Variants in FLRT3 observed in about 807,000 individuals in gnomAD.
The protein encoded by FLRT3 is fibronectin leucine rich transmembrane protein 3.
FLRT3 carries 17 observed loss-of-function variants against 42.6 expected under a neutral mutation model. That is an observed-to-expected ratio of 0.40 (90% confidence interval 0.27 to 0.60). FLRT3 has a LOEUF of 0.60. FLRT3 is among the 20% of genes least tolerant of loss of function. The probability of loss-of-function intolerance (pLI) is 0.44; values close to 1 mark genes in which losing one functional copy is unlikely to be tolerated. For missense variants in FLRT3, 635 were observed against 789.2 expected, an observed-to-expected ratio of 0.80 and a Z score of 2.34; for synonymous variants, 279 against 286.4, an observed-to-expected ratio of 0.97 and a Z score of 0.26.
chr20:14,329,376 T>TA (rs2082793174), intron 1 of FLRT3, 49 bp from the exon 2 acceptor site: 1 of 152,114 alleles, frequency 6.6e-6, no homozygotes, highest in South Asian at 2.1e-4. Context: ...AACTTTAACA[T>TA]ACTAGAGAAA....
intron 1 of FLRT3, among the ~76,000 whole-genome samples, chr20:14,332,691 C>T (rs779787481): frequency 3.3e-5 from 5 of 152,032 alleles, no homozygotes; most frequent in Non-Finnish European, 7.4e-5. Flanking sequence ...AATCTAATGG[C>T]ATGTAGAACT....
chr20:14,325,482 A>G lies in FLRT3; in HGVS notation c.*75T>C. 6.9e-7 allele frequency: 1 copy of G among 1,445,460 alleles called. No individual in the cohort carries two copies. Among genetic ancestry groups the G allele is most frequent in the Non-Finnish European group, 9.3e-7 (1 of 1,069,770 alleles). 89.5% of individuals were successfully genotyped at this position (1,445,460 alleles called of 1,614,324 possible). A position where few individuals can be genotyped will look rare whatever the true frequency, so the allele number is the denominator to read the frequency against. ...GTCTCTTTTTCCAGTGTTTTGCAGT[A>G]GAACAGGGTTCCTACCATCACCTCC... is the stretch of plus-strand genomic sequence containing the variant. On this transcript the variant is annotated 3_prime_UTR_variant, in exon 3 of 3. Coordinates refer to ENST00000341420, the MANE Select transcript of FLRT3 (RefSeq NM_198391.3).
At chr20:14,333,254 G>A (rs370721815) in intron 1 of FLRT3, among the ~76,000 whole-genome samples, 7 of 152,124 alleles carry the variant, frequency 4.6e-5, no homozygotes, top group Admixed American at 1.3e-4. Flanking sequence ...CCAATGCTAA[G>A]TATTTTTACT....
At position 14,327,594 on chromosome 20, in the gene FLRT3, T is replaced by C. The variant is rs1322989515; in HGVS notation, c.-52-36A>G. The C allele has an allele frequency of 2.2e-6, 3 of 1,380,972 alleles. No individual in the cohort carries two copies. The African/African-American group carries it at 4.4e-5, about 20-fold the overall frequency. 85.5% of individuals were successfully genotyped at this position (1,380,972 alleles called of 1,614,324 possible). A position where few individuals can be genotyped will look rare whatever the true frequency, so the allele number is the denominator to read the frequency against. ...GTGAGTAAAAAAAGACAGAAAACAA[T>C]AAGGCCAGCATACTGAATATAATGT... is the stretch of plus-strand genomic sequence containing the variant. On this transcript the variant is annotated intron_variant, in intron 2 of 2. Coordinates refer to ENST00000341420, the MANE Select transcript of FLRT3 (RefSeq NM_198391.3).
In FLRT3 at chr20:14,326,062, A is replaced by G. The variant is rs758525902; in HGVS notation, c.1445T>C (p.Met482Thr). ...DSPYKVCMVP[M>T]ETSNLYLFDE... is the part of the protein sequence containing the mutation. ...AAATAGGTAGAGGTTGCTGGTTTCC[A>G]TGGGAACCATGCATACTTTATAGGG... Residue 482 changes from methionine to threonine, a missense_variant, in exon 3 of 3, where the codon ATG becomes ACG. By Grantham distance (81) the Met-to-Thr change is moderately conservative (BLOSUM62 -1). Transcript: ENST00000341420. This position sits in a 1 kb window ranked among gnomAD's most constrained non-coding sequence, Gnocchi z 5.5. 6.2e-7 allele frequency: 1 copy of G among 1,613,844 alleles called. No individual in the cohort carries two copies. The highest frequency in any genetic ancestry group is 8.5e-7 in the Non-Finnish European group (1 of 1,179,894).
chr20:14,327,605 T>C, intron 2 of FLRT3, 47 bp from the exon 3 acceptor site: 2 of 1,279,918 alleles, frequency 1.6e-6, no homozygotes, highest in Non-Finnish European at 2.1e-6. Context: ...AAGGCCAGCA[T>C]ACTGAATATA....
Position 14,326,216 on chromosome 20 carries a change from G to A in FLRT3, c.1291C>T (p.Leu431=), listed in dbSNP as rs764297475. Reference sequence around the variant, plus strand: ...CTGAGTCTCAAAGCAGTCATAGGTAGAGCAAGTTTCCAAGAGATATGAATG... The same window carrying A: ...CTGAGTCTCAAAGCAGTCATAGGTAAAGCAAGTTTCCAAGAGATATGAATG... ...DTIHISWKLA[L]PMTALRLSWL... The change falls in exon 3 of 3, where the codon CTA becomes TTA. Residue 431 remains leucine (L), a synonymous_variant. Coordinates refer to ENST00000341420, the MANE Select transcript of FLRT3 (RefSeq NM_198391.3). This position sits in a 1 kb window ranked among gnomAD's most constrained non-coding sequence, Gnocchi z 5.5. 4 of 1,613,934 alleles carry A rather than the reference G, an allele frequency of 2.5e-6. 1 individual carries two copies. The South Asian group carries it at 4.4e-5, about 18-fold the overall frequency.
chr20:14,335,443 CTTAA>C (rs755646117), intron 1 of FLRT3, among the ~76,000 whole-genome samples: 1 of 151,972 alleles, frequency 6.6e-6, no homozygotes, highest in Non-Finnish European at 1.5e-5. Context: ...TTGTAGGCTC[CTTAA>C]TTAACACTTG....
At chr20:14,328,400 T>A (rs2082773400) in intron 2 of FLRT3, among the ~76,000 whole-genome samples, 1 of 152,160 alleles carries the variant, frequency 6.6e-6, no homozygotes, top group Non-Finnish European at 1.5e-5. Context: ...CATAACGTGT[T>A]GTCACAGTGC....
chr20:14,327,655 C>A (rs1313699716), intron 2 of FLRT3, 97 bp from the exon 3 acceptor site: 1 of 900,948 alleles, frequency 1.1e-6, no homozygotes, highest in East Asian at 2.7e-5. Flanking sequence ...TATCCATAAT[C>A]ACTTTTAATA....
In FLRT3 at chr20:14,323,284, A is replaced by G. The variant is rs1368963636; in HGVS notation, c.*2273T>C. The G allele has an allele frequency of 6.6e-6, 1 of 152,158 alleles. No individual in the cohort carries two copies. The highest frequency in any genetic ancestry group is 1.5e-5 in the Non-Finnish European group (1 of 68,022). The allele number at this position is 152,158 out of a possible 1,614,324, so 9.4% of individuals were successfully genotyped here. The stretch of plus-strand genomic sequence containing the variant: ...TTGTGTTCTATTAATTTGCTACAAC[A>G]GCTCACAAAATGCAAGGAAACAGAT... On this transcript the variant is annotated 3_prime_UTR_variant, in exon 3 of 3. Coordinates refer to ENST00000341420, the MANE Select transcript of FLRT3 (RefSeq NM_198391.3).
chr20:14,336,812 G>A (rs2082945763), intron 1 of FLRT3, among the ~76,000 whole-genome samples: 1 of 152,176 alleles, frequency 6.6e-6, no homozygotes, highest in Admixed American at 6.5e-5. Flanking sequence ...TTTACTAGTT[G>A]AGATTTGCAA....
rs1156273640 is a variant in FLRT3 at position 14,324,759 on chromosome 20, C to CTAA, written c.*795_*797dup. On this transcript the variant is annotated 3_prime_UTR_variant, in exon 3 of 3. Transcript: ENST00000341420. ...TTTGTGTTCATTACACTATACAAGT[C>CTAA]TAAGTTTCCATGTTTTCCTAAGTAC... 2.0e-5 allele frequency: 3 copies of CTAA among 152,192 alleles called. No homozygotes were observed. Among genetic ancestry groups the CTAA allele is most frequent in the Admixed American group, 6.6e-5 (1 of 15,250 alleles). The allele number at this position is 152,192 out of a possible 1,614,324, so 9.4% of individuals were successfully genotyped here. A position where few individuals can be genotyped will look rare whatever the true frequency, so the allele number is the denominator to read the frequency against.
At chr20:14,334,806 T>TA (rs780655683) in intron 1 of FLRT3, among the ~76,000 whole-genome samples, 1 of 147,692 alleles carries the variant, frequency 6.8e-6, no homozygotes, top group African/African-American at 2.5e-5. Context: ...TTTTTTTTTT[T>TA]AAATAAATGG....
intron 1 of FLRT3, among the ~76,000 whole-genome samples, chr20:14,334,916 C>T (rs2082910097): frequency 6.6e-6 from 1 of 151,920 alleles, no homozygotes; most frequent in Admixed American, 6.6e-5. Context: ...ATAGCCCACC[C>T]ACCTTAAAAA....
intron 2 of FLRT3, among the ~76,000 whole-genome samples, chr20:14,327,999 C>T (rs1302756879): frequency 6.6e-6 from 1 of 151,992 alleles, no homozygotes; most frequent in Non-Finnish European, 1.5e-5. Context: ...AAAAACCACA[C>T]ATTTTTATAT....
rs752557328 is a variant in FLRT3, at chr20:14,336,003, T to C, written c.-247+1401A>G. 5.3e-4 allele frequency among the ~76,000 whole-genome samples: 80 copies of C among 152,324 alleles called. 1 individual carries two copies. Among genetic ancestry groups the C allele is most frequent in the Middle Eastern group, 3.4e-3 (1 of 294 alleles). ...TATTGATTGTGGCACTTTTAAAGGA[T>C]TAATTTTTCTTTACTCATTTCGGAA... On this transcript the variant is annotated intron_variant, in intron 1 of 2. Coordinates refer to ENST00000341420, the MANE Select transcript of FLRT3 (RefSeq NM_198391.3).
rs1295280165 is a variant in FLRT3, at chr20:14,324,452, G to A, written c.*1105C>T. On this transcript the variant is annotated 3_prime_UTR_variant, in exon 3 of 3. Coordinates refer to ENST00000341420, the MANE Select transcript of FLRT3 (RefSeq NM_198391.3). Reference sequence around the variant, plus strand: ...GGCAGTATTCTTGATCTTTGTAAAAGTAAATTGAACATTTATGTACAGTGT... The same window carrying A: ...GGCAGTATTCTTGATCTTTGTAAAAATAAATTGAACATTTATGTACAGTGT... The A allele has an allele frequency of 6.6e-6, 1 of 152,522 alleles. No individual in the cohort carries two copies. The highest frequency in any genetic ancestry group is 2.4e-5 in the African/African-American group (1 of 41,416). 9.4% of individuals were successfully genotyped at this position (152,522 alleles called of 1,614,324 possible). A position where few individuals can be genotyped will look rare whatever the true frequency, so the allele number is the denominator to read the frequency against.
Position 14,325,810 on chromosome 20 carries a change from C to T in FLRT3, c.1697G>A (p.Ser566Asn), listed in dbSNP as rs145192093. Residue 566 changes from serine to asparagine, a missense_variant, in exon 3 of 3, where the codon AGC becomes AAC. Physicochemically the swap from Ser to Asn is conservative, Grantham distance 46 (BLOSUM62 1). Transcript: ENST00000341420. ...GSLFSRNCAY[S>N]KGRRRKDDYA... The stretch of plus-strand genomic sequence containing the variant: ...GTCATCCTTTCTTCTCCTCCCTTTG[C>T]TATATGCACAGTTCCTTGAGAAGAG... 9 of 1,613,890 alleles carry T rather than the reference C, an allele frequency of 5.6e-6. No homozygotes were observed. The East Asian group carries it at 2.0e-4, about 36-fold the overall frequency.
Sources: allele counts gnomAD v4.1 joint callset (sites outside exome capture counted in the v4.1 genomes callset), GRCh38; gene constraint gnomAD v4.1.1; non-coding constraint Gnocchi (gnomAD v3.1); transcripts MANE v1.5; gene names NCBI Gene and HGNC (gene_info 2026-07-23, HGNC 2026-07-21).